The following NLRC3 variants were observed in gnomAD, a reference collection of about 807,000 sequenced individuals.
The protein encoded by NLRC3 is NLR family CARD domain containing 3.
NLRC3 carries 87 observed loss-of-function variants against 91.6 expected under a neutral mutation model. That is an observed-to-expected ratio of 0.95 (90% CI 0.80 to 1.14). NLRC3 has a LOEUF of 1.14. NLRC3 is among the 50% of genes most tolerant of loss of function. The pLI is 0.00. For synonymous variants in NLRC3, 694 were observed against 625.3 expected, an observed-to-expected ratio of 1.11 and a Z score of -1.64; for missense variants, 1,577 against 1,418.6, an observed-to-expected ratio of 1.11 and a Z score of -1.79.
At position 3,542,291 on chromosome 16, in the gene NLRC3, T is replaced by G. The variant is rs1567455422; in HGVS notation, c.3024-17A>C. The G allele has an allele frequency of 6.7e-7, 1 of 1,496,724 alleles. No homozygotes were observed. Among genetic ancestry groups the G allele is most frequent in the Non-Finnish European group, 9.2e-7 (1 of 1,087,938 alleles). The allele number at this position is 1,496,724 out of a possible 1,614,324, so 92.7% of individuals were successfully genotyped here. ...TCTTGAAGACTAAGTGGAAAAGAGA[T>G]GGAGACACACGGTGAGCCATCAGGG... On this transcript the variant is annotated splice_polypyrimidine_tract_variant and intron_variant, in intron 18 of 19. Transcript: ENST00000359128.
chr16:3,564,004 C>A lies in NLRC3; in HGVS notation c.933G>T (p.Trp311Cys). Reference protein sequence around the residue: ...MFPEDQALLGWMLSQVQADRA... With the variant: ...MFPEDQALLGCMLSQVQADRA... ...TGTCAGCCTGCACTTGGCTCAGCAT[C>A]CAGCCCAGAAGGGCCTGGTCCTCGG... The change falls in exon 5 of 20, where the codon TGG (tryptophan) becomes TGT (cysteine). Residue 311 changes from tryptophan (W) to cysteine (C), a missense_variant. By Grantham distance (215) the Trp-to-Cys change is radical. Coordinates refer to ENST00000359128, the MANE Select transcript of NLRC3 (RefSeq NM_178844.4). The surrounding 1 kb of genome is among the most constrained non-coding windows in gnomAD (Gnocchi z 5.9). The A allele has an allele frequency of 6.2e-7, 1 of 1,608,586 alleles. No individual in the cohort carries two copies. Among genetic ancestry groups the A allele is most frequent in the Non-Finnish European group, 8.5e-7 (1 of 1,179,590 alleles).
Position 3,577,199 on chromosome 16 carries a change from G to C in NLRC3, c.-219C>G, listed in dbSNP as rs929011090. 11 of 702,896 alleles carry C rather than the reference G, an allele frequency of 1.6e-5. No individual in the cohort carries two copies. In the African/African-American group the frequency reaches 1.9e-4, roughly 12 times the overall value. 43.5% of individuals were successfully genotyped at this position (702,896 alleles called of 1,614,324 possible). Reference sequence around the variant, plus strand: ...GGACAGCAAGACTGGGGGGCCTGGGGGCGTCCATCTCCATGCTCCTGGGCT... The same window carrying C: ...GGACAGCAAGACTGGGGGGCCTGGGCGCGTCCATCTCCATGCTCCTGGGCT... On this transcript the variant is annotated 5_prime_UTR_variant, in exon 1 of 20. Transcript: ENST00000359128.
rs2040333142 is a variant in NLRC3 at position 3,577,072 on chromosome 16, T to G, written c.-169+77A>C. The G allele has an allele frequency of 1.1e-5, 8 of 702,688 alleles. No individual in the cohort carries two copies. In the South Asian group the frequency reaches 1.2e-4, roughly 10 times the overall value. 43.5% of individuals were successfully genotyped at this position (702,688 alleles called of 1,614,324 possible). ...CCCCCTCCCCAGAGTAGCTCAGGCC[T>G]TAAGGCCACTGTCCTTCCTGCCAGC... On this transcript the variant is annotated intron_variant, in intron 1 of 19. Coordinates refer to ENST00000359128, the MANE Select transcript of NLRC3 (RefSeq NM_178844.4).
chr16:3,549,578 T>TGCCAGGAA, intron 12 of NLRC3, 119 bp downstream of exon 12: 1 of 791,404 alleles, frequency 1.3e-6, no homozygotes. Flanking sequence ...AGGGCCAGGC[T>TGCCAGGAA]GCCAGGAAGG....
chr16:3,570,230 C>G (rs570894638), intron 1 of NLRC3, among the ~76,000 whole-genome samples: 2 of 152,216 alleles, frequency 1.3e-5, no homozygotes, highest in South Asian at 2.1e-4. Context: ...CTCAGCCTCC[C>G]AAAGTGCTGA....
At chr16:3,576,059 G>A (rs550901719) in intron 1 of NLRC3, among the ~76,000 whole-genome samples, 34 of 152,320 alleles carry the variant, frequency 2.2e-4, no homozygotes, top group African/African-American at 7.5e-4. Flanking sequence ...GAGTCCAAGG[G>A]GTGGAGAGGC....
intron 18 of NLRC3, among the ~76,000 whole-genome samples, 199 bp from the exon 19 acceptor site, chr16:3,542,473 A>T (rs960759300): frequency 6.6e-6 from 1 of 152,322 alleles, no homozygotes; most frequent in Admixed American, 6.5e-5. Context: ...GCGCTGGAGG[A>T]TGTAAGGCCA....
intron 12 of NLRC3, 108 bp from the exon 13 acceptor site, chr16:3,549,333 G>A (rs2038874890): frequency 2.5e-6 from 2 of 815,194 alleles, no homozygotes; most frequent in Non-Finnish European, 2.0e-6. Context: ...GCAGGCGGGG[G>A]ACCTAGAGTT....
intron 1 of NLRC3, among the ~76,000 whole-genome samples, chr16:3,570,981 G>A (rs138833817): frequency 2.0e-5 from 3 of 152,254 alleles, no homozygotes; most frequent in African/African-American, 7.2e-5. Flanking sequence ...TTAAATAGAA[G>A]ATGTATATAT....
intron 15 of NLRC3, among the ~76,000 whole-genome samples, chr16:3,547,494 C>G (rs973854242): frequency 6.6e-6 from 1 of 152,028 alleles, no homozygotes; most frequent in Admixed American, 6.6e-5. Context: ...ACCGAATACA[C>G]TAGAAACCAG....
At chr16:3,543,346 C>T (rs2038506951) in intron 17 of NLRC3, 79 bp downstream of exon 17, 1 of 1,004,676 alleles carries the variant, frequency 1.0e-6, no homozygotes, top group Admixed American at 2.0e-5. Flanking sequence ...TGTCTGTAAA[C>T]TTTGTCCCCA....
chr16:3,557,779 C>G lies in NLRC3; in HGVS notation c.2016-103G>C, dbSNP rs1230232386. On this transcript the variant is annotated intron_variant, in intron 6 of 19. Transcript: ENST00000359128. ...ATTAATCCTCTAGGCTCCCCCACAT[C>G]ATCAGGGTCTGGACATAGGTGGAGA... 4 of 741,586 alleles carry G rather than the reference C, an allele frequency of 5.4e-6. No individual in the cohort carries two copies. The African/African-American group carries it at 6.9e-5, about 13-fold the overall frequency. 45.9% of individuals were successfully genotyped at this position (741,586 alleles called of 1,614,324 possible).
rs1336623261 is a variant in NLRC3 at position 3,569,389 on chromosome 16, TATATA to T, written c.-168-2070_-168-2066del. Among the ~76,000 whole-genome samples the T allele has an allele frequency of 1.7e-3, 175 of 105,986 alleles. 2 individuals carry two copies. The highest frequency in any genetic ancestry group is 2.7e-3 in the East Asian group (11 of 4,042). 69.5% of individuals were successfully genotyped at this position (105,986 alleles called of 152,430 possible). A position where few individuals can be genotyped will look rare whatever the true frequency, so the allele number is the denominator to read the frequency against. ...TGAAAACCATATATATATATATATA[TATATA>T]TTATTTTTTTTTTTTTTTTTTTTTT... On this transcript the variant is annotated intron_variant, in intron 1 of 19. Transcript: ENST00000359128.
At position 3,543,490 on chromosome 16, in the gene NLRC3, A is replaced by G. The variant is rs763032716; in HGVS notation, c.2874T>C (p.Ile958=). Residue 958 remains isoleucine, a synonymous_variant, in exon 17 of 20, where the codon ATT becomes ATC. Coordinates refer to ENST00000359128, the MANE Select transcript of NLRC3 (RefSeq NM_178844.4). ...CTAGCACCTGGGCGCCTGAAGCACC[A>G]ATTGAGGCCACCTGGAGACTGGGGC... The part of the protein sequence containing the change: ...LTALYLQVAS[I]GASGAQVLGE... 1.2e-6 allele frequency: 2 copies of G among 1,613,042 alleles called. No individual in the cohort carries two copies. The highest frequency in any genetic ancestry group is 2.2e-5 in the South Asian group (2 of 90,902).
At chr16:3,542,326 A>G in intron 18 of NLRC3, 52 bp from the exon 19 acceptor site, 2 of 1,140,012 alleles carry the variant, frequency 1.8e-6, no homozygotes, top group Admixed American at 2.0e-5. Flanking sequence ...GCAGAAGGAA[A>G]ACACCCGGGG....
At position 3,543,499 on chromosome 16, in the gene NLRC3, C is replaced by G; in HGVS notation, c.2865G>C (p.Val955=). The part of the protein sequence containing the change: ...NTALTALYLQ[V]ASIGASGAQV... ...GGGCGCCTGAAGCACCAATTGAGGC[C>G]ACCTGGAGACTGGGGCGGAGAGGGT... The change falls in exon 17 of 20, where the codon GTG becomes GTC. Residue 955 remains valine (V), a synonymous_variant. Coordinates refer to ENST00000359128, the MANE Select transcript of NLRC3 (RefSeq NM_178844.4). 1 of 1,612,542 alleles carries G rather than the reference C, an allele frequency of 6.2e-7. No individual in the cohort carries two copies. The highest frequency in any genetic ancestry group is 8.5e-7 in the Non-Finnish European group (1 of 1,179,342).
chr16:3,572,262 C>T (rs1297670461), intron 1 of NLRC3, among the ~76,000 whole-genome samples: 1 of 151,494 alleles, frequency 6.6e-6, no homozygotes, highest in Admixed American at 6.6e-5. Context: ...AATATTATAA[C>T]ATAACAGACT....
chr16:3,564,602 G>A lies in NLRC3; in HGVS notation c.335C>T (p.Thr112Ile), dbSNP rs370789802. The A allele has an allele frequency of 5.6e-6, 9 of 1,610,816 alleles. No homozygotes were observed. The highest frequency in any genetic ancestry group is 5.9e-6 in the Non-Finnish European group (7 of 1,179,718). ...CCTGGCGGGGTGCCCGCCCCCGCGG[G>A]TGGCCTCCACCTGTGTGAAGTCGTG... Reference protein sequence around the residue: ...REHDFTQVEATRGGGHPARTV... With the variant: ...REHDFTQVEAIRGGGHPARTV... Residue 112 changes from threonine (T) to isoleucine (I), a missense_variant, in exon 5 of 20, where the codon ACC becomes ATC. Transcript: ENST00000359128. This position sits in a 1 kb window ranked among gnomAD's most constrained non-coding sequence, Gnocchi z 5.9.
chr16:3,547,787 G>T (rs1475372352), intron 15 of NLRC3, among the ~76,000 whole-genome samples: 1 of 152,128 alleles, frequency 6.6e-6, no homozygotes, highest in Admixed American at 6.5e-5. Context: ...TCCTGCCTCA[G>T]CCTCCCGAGT....
Sources: allele counts gnomAD v4.1 joint callset (sites outside exome capture counted in the v4.1 genomes callset), GRCh38; gene constraint gnomAD v4.1.1; non-coding constraint Gnocchi (gnomAD v3.1); transcripts MANE v1.5; gene names NCBI Gene and HGNC (gene_info 2026-07-23, HGNC 2026-07-21).